Variants in EYS observed in about 807,000 individuals in gnomAD.
EYS encodes the protein protein eyes shut homolog.
EYS carries 250 observed loss-of-function variants against 282.1 expected under a neutral mutation model. The ratio of observed to expected loss-of-function variants is 0.89; its 90% CI spans 0.80 to 0.98. The LOEUF is 0.98. Among genes scored for constraint, EYS ranks in the 50% least tolerant of loss-of-function variants. The probability of loss-of-function intolerance (pLI) is 0.00; values close to 1 mark genes in which losing one functional copy is unlikely to be tolerated. For synonymous variants in EYS, 1,355 were observed against 1,282.9 expected (o/e 1.06, Z -1.20); for missense variants, 4,016 against 3,709.0 (o/e 1.08, Z -2.15).
At chr6:64,985,368 C>G (rs1770821944) in intron 14 of EYS, among the ~76,000 whole-genome samples, 1 of 151,398 alleles carries the variant, frequency 6.6e-6, no homozygotes, top group Admixed American at 6.6e-5. Flanking sequence ...CAGGAAGTAC[C>G]TCAGGCAGTG....
At chr6:64,392,235 C>A (rs954741137) in intron 28 of EYS, among the ~76,000 whole-genome samples, 13 of 148,252 alleles carry the variant, frequency 8.8e-5, no homozygotes, top group African/African-American at 2.8e-4. Context: ...AAAGTCAACA[C>A]GGATACCCAG....
intron 22 of EYS, among the ~76,000 whole-genome samples, chr6:64,664,314 T>C (rs1468196681): frequency 2.0e-5 from 3 of 152,192 alleles, no homozygotes; most frequent in African/African-American, 7.2e-5. Context: ...ACCTCCTGTT[T>C]TTAGCCTAAT....
At chr6:65,496,262 G>C (rs776158709) in intron 2 of EYS, among the ~76,000 whole-genome samples, 1 of 151,920 alleles carries the variant, frequency 6.6e-6, no homozygotes, top group East Asian at 1.9e-4. Flanking sequence ...AGTAAATAAA[G>C]TAAAAATAAA....
At chr6:64,668,581 G>C (rs1003634441) in intron 22 of EYS, among the ~76,000 whole-genome samples, 12 of 108,644 alleles carry the variant, frequency 1.1e-4, no homozygotes, top group African/African-American at 4.3e-4. Flanking sequence ...ACAGAGTCTC[G>C]CTCTGTCGCC....
At chr6:65,017,535 G>C (rs1488375834) in intron 13 of EYS, among the ~76,000 whole-genome samples, 2 of 152,086 alleles carry the variant, frequency 1.3e-5, no homozygotes, top group Admixed American at 6.6e-5. Context: ...ATTAAAGTGA[G>C]AGTCAATAAA....
chr6:64,083,292 ATCTC>A (rs775850860), intron 31 of EYS, among the ~76,000 whole-genome samples: 1 of 152,106 alleles, frequency 6.6e-6, no homozygotes, highest in Non-Finnish European at 1.5e-5. Context: ...TATTTTTACC[ATCTC>A]TCTAAGTCAT....
At chr6:64,791,877 T>G (rs1447240057) in intron 22 of EYS, among the ~76,000 whole-genome samples, 1 of 151,922 alleles carries the variant, frequency 6.6e-6, no homozygotes, top group Non-Finnish European at 1.5e-5. Flanking sequence ...ATAGTTTTTA[T>G]AGAACCATAT....
chr6:63,986,896 A>G (rs984983385), intron 34 of EYS, among the ~76,000 whole-genome samples: 1 of 151,566 alleles, frequency 6.6e-6, no homozygotes, highest in East Asian at 1.9e-4. Context: ...GTACCCATGT[A>G]ACAAACCTTC....
intron 2 of EYS, among the ~76,000 whole-genome samples, chr6:65,498,182 G>T (rs1179827663): frequency 1.3e-5 from 2 of 151,984 alleles, no homozygotes; most frequent in East Asian, 1.9e-4. Context: ...TTGTGCATAC[G>T]CTCAGTTTAA....
In EYS at chr6:64,601,342, T is replaced by C. The variant is rs189786118; in HGVS notation, c.3685-8033A>G. Among the ~76,000 whole-genome samples, 224 of 152,196 alleles carry C rather than the reference T, an allele frequency of 1.5e-3. 1 individual carries two copies. Among genetic ancestry groups the C allele is most frequent in the African/African-American group, 5.2e-3 (218 of 41,552 alleles). Reference sequence around the variant, plus strand: ...TTATTTAAATATCTCATGGGTACCTTAAACATAACATGTACAGTACTGAAC... The same window carrying C: ...TTATTTAAATATCTCATGGGTACCTCAAACATAACATGTACAGTACTGAAC... On this transcript the variant is annotated intron_variant, in intron 24 of 42. Coordinates refer to ENST00000503581, the MANE Select transcript of EYS (RefSeq NM_001142800.2).
At chr6:63,813,960 A>G (rs1771114235) in intron 36 of EYS, among the ~76,000 whole-genome samples, 1 of 152,222 alleles carries the variant, frequency 6.6e-6, no homozygotes, top group Non-Finnish European at 1.5e-5. Context: ...GCAAAAATAC[A>G]AGATGATTGC....
intron 24 of EYS, among the ~76,000 whole-genome samples, chr6:64,600,057 TG>T (rs1168871869): frequency 3.3e-5 from 5 of 152,154 alleles, no homozygotes; most frequent in Non-Finnish European, 7.4e-5. Flanking sequence ...TAAAATGTTG[TG>T]GCTTATCCTT....
intron 22 of EYS, among the ~76,000 whole-genome samples, chr6:64,751,010 A>G (rs1406853986): frequency 6.6e-6 from 1 of 151,536 alleles, no homozygotes; most frequent in Non-Finnish European, 1.5e-5. Flanking sequence ...CTAGATTAGG[A>G]GTTTAGGCCC....
At chr6:63,875,706 G>A (rs979836525) in intron 35 of EYS, among the ~76,000 whole-genome samples, 3 of 152,080 alleles carry the variant, frequency 2.0e-5, no homozygotes, top group Non-Finnish European at 4.4e-5. Context: ...TTGGGAGGGT[G>A]TATGTGTCAA....
intron 24 of EYS, among the ~76,000 whole-genome samples, chr6:64,594,162 C>G (rs1269196520): frequency 6.6e-6 from 1 of 152,080 alleles, no homozygotes; most frequent in Non-Finnish European, 1.5e-5. Context: ...GTTCCATATT[C>G]TGTAGTCACT....
intron 22 of EYS, among the ~76,000 whole-genome samples, chr6:64,682,325 G>C (rs1277341177): frequency 6.6e-6 from 1 of 151,980 alleles, no homozygotes; most frequent in African/African-American, 2.4e-5. Flanking sequence ...CCGAAATCGC[G>C]CCACTGTACT....
At chr6:65,216,032 A>G (rs1766303459) in intron 12 of EYS, among the ~76,000 whole-genome samples, 1 of 133,560 alleles carries the variant, frequency 7.5e-6, no homozygotes, top group Non-Finnish European at 1.6e-5. Context: ...CTGTAATTTC[A>G]ATGTAAGTCT....
chr6:64,157,865 G>C (rs1011996689), intron 31 of EYS, among the ~76,000 whole-genome samples: 2 of 152,170 alleles, frequency 1.3e-5, no homozygotes, highest in African/African-American at 4.8e-5. Context: ...TGTGGGGTCG[G>C]AGCCCCCACA....
intron 29 of EYS, among the ~76,000 whole-genome samples, chr6:64,344,383 G>A (rs1450406408): frequency 6.6e-6 from 1 of 151,906 alleles, no homozygotes; most frequent in Non-Finnish European, 1.5e-5. Context: ...TTCATCCCTG[G>A]GATGCAAGGC....
Sources: allele counts gnomAD v4.1 joint callset (sites outside exome capture counted in the v4.1 genomes callset), GRCh38; gene constraint gnomAD v4.1.1; transcripts MANE v1.5; gene names NCBI Gene and HGNC (gene_info 2026-07-23, HGNC 2026-07-21).